The following HPSE2 variants were observed in gnomAD, a reference collection of about 807,000 sequenced individuals.
HPSE2 encodes the protein heparanase 2 (inactive), also known as inactive heparanase-2.
Under a neutral mutation model 60.5 loss-of-function variants are expected in HPSE2, and 38 were observed. The ratio of observed to expected loss-of-function variants is 0.63; its 90% CI spans 0.48 to 0.82. The LOEUF is 0.82. Ranked by LOEUF, HPSE2 falls within the 40% of genes least tolerant of loss-of-function variation. HPSE2 has a pLI of 0.00. For missense variants in HPSE2, 713 were observed against 740.4 expected (o/e 0.96, Z 0.43); for synonymous variants, 295 against 293.2 (o/e 1.01, Z -0.06).
At chr10:99,301,875 C>CT in the HPSE2 span, among the ~76,000 whole-genome samples, 2 of 151,764 alleles carry the variant, frequency 1.3e-5, no homozygotes, top group South Asian at 4.2e-4. Flanking sequence ...GGCCCTTCTG[C>CT]TTGACACCCC....
At chr10:99,238,620 G>A (rs1589857717), upstream of HPSE2, among the ~76,000 whole-genome samples, 1 of 152,232 alleles carries the variant, frequency 6.6e-6, no homozygotes, top group East Asian at 1.9e-4. Context: ...TGATTGTTTG[G>A]TGCTTTGGTT....
intron 4 of HPSE2, among the ~76,000 whole-genome samples, chr10:98,724,074 T>C (rs1949003319): frequency 6.6e-6 from 1 of 152,214 alleles, no homozygotes; most frequent in Non-Finnish European, 1.5e-5. Context: ...CAATTTTAGA[T>C]CTTTCCTGCT....
At chr10:98,983,469 T>G (rs1258099197) in intron 3 of HPSE2, among the ~76,000 whole-genome samples, 1 of 152,262 alleles carries the variant, frequency 6.6e-6, no homozygotes, top group Non-Finnish European at 1.5e-5. Flanking sequence ...ATATTCCACT[T>G]TGACTTTAAT....
intron 6 of HPSE2, among the ~76,000 whole-genome samples, chr10:98,651,141 T>C (rs1385769575): frequency 6.6e-6 from 1 of 152,220 alleles, no homozygotes; most frequent in Admixed American, 6.5e-5. Flanking sequence ...TGAAAGGAAA[T>C]CTTACCTCAC....
chr10:98,608,477 C>T lies in HPSE2; in HGVS notation c.1320+6427G>A, dbSNP rs1945657153. 2.0e-5 allele frequency among the ~76,000 whole-genome samples: 3 copies of T among 152,308 alleles called. No homozygotes were observed. In the South Asian group the frequency reaches 6.2e-4, roughly 32 times the overall value. ...AATCAGAGGAACGTCTACGTGAAAG[C>T]ATTAGGGGCAAAAGAACTGCCTTCC... On this transcript the variant is annotated intron_variant, in intron 9 of 11. Coordinates refer to ENST00000370552, the MANE Select transcript of HPSE2 (RefSeq NM_021828.5).
chr10:98,652,691 C>A (rs1036653356), intron 6 of HPSE2, among the ~76,000 whole-genome samples: 1 of 152,216 alleles, frequency 6.6e-6, no homozygotes, highest in South Asian at 2.1e-4. Context: ...CATGACTGGT[C>A]TTTGGAGACC....
intron 4 of HPSE2, among the ~76,000 whole-genome samples, chr10:98,728,787 T>G (rs1482021618): frequency 1.3e-5 from 2 of 151,950 alleles, no homozygotes; most frequent in Non-Finnish European, 2.9e-5. Flanking sequence ...GTGGGAGGAT[T>G]GCTTGAGCCT....
chr10:98,491,919 G>T (rs1008353016), intron 9 of HPSE2, among the ~76,000 whole-genome samples: 1 of 152,184 alleles, frequency 6.6e-6, no homozygotes, highest in African/African-American at 2.4e-5. Flanking sequence ...TATAGAGGTT[G>T]CCAAAATTTA....
chr10:99,149,561 A>G (rs1240445003), intron 2 of HPSE2, among the ~76,000 whole-genome samples: 1 of 152,222 alleles, frequency 6.6e-6, no homozygotes, highest in East Asian at 1.9e-4. Flanking sequence ...CAATAGCTTA[A>G]TTGTAATGAA....
At chr10:99,097,328 C>T (rs188634334) in intron 3 of HPSE2, among the ~76,000 whole-genome samples, 2 of 152,264 alleles carry the variant, frequency 1.3e-5, no homozygotes, top group Non-Finnish European at 2.9e-5. Context: ...TTTCCTAAGT[C>T]CCTACAAAGC....
At chr10:99,228,873 A>G (rs527785484) in intron 2 of HPSE2, among the ~76,000 whole-genome samples, 6 of 152,226 alleles carry the variant, frequency 3.9e-5, no homozygotes. Flanking sequence ...AAACAAGGGG[A>G]ACAACAAAAT....
At chr10:99,026,837 T>C (rs1490498806) in intron 3 of HPSE2, among the ~76,000 whole-genome samples, 1 of 152,022 alleles carries the variant, frequency 6.6e-6, no homozygotes, top group Non-Finnish European at 1.5e-5. Flanking sequence ...ACTGTATAAA[T>C]ACATGGAAAT....
intron 3 of HPSE2, among the ~76,000 whole-genome samples, chr10:98,968,729 G>C (rs1334949736): frequency 6.6e-6 from 1 of 152,136 alleles, no homozygotes; most frequent in African/African-American, 2.4e-5. Context: ...GTTGTTCTAA[G>C]TGAAGTAACT....
chr10:99,125,535 C>T (rs973707129), intron 3 of HPSE2, among the ~76,000 whole-genome samples: 2 of 152,268 alleles, frequency 1.3e-5, no homozygotes, highest in South Asian at 4.2e-4. Flanking sequence ...ACTTTTGCTC[C>T]AAGAACCACC....
At chr10:98,645,830 C>T (rs570217368) in intron 6 of HPSE2, among the ~76,000 whole-genome samples, 5 of 152,048 alleles carry the variant, frequency 3.3e-5, no homozygotes, top group Admixed American at 1.3e-4. Context: ...TACAATTAGC[C>T]GGGGCGTGGT....
intron 2 of HPSE2, among the ~76,000 whole-genome samples, chr10:99,220,551 T>G (rs1178063911): frequency 1.3e-5 from 2 of 152,108 alleles, no homozygotes; most frequent in Non-Finnish European, 2.9e-5. Flanking sequence ...ACGCCTGTAA[T>G]CCCAGCACTT....
chr10:98,763,707 T>A (rs1047035719), intron 3 of HPSE2, among the ~76,000 whole-genome samples: 5 of 151,074 alleles, frequency 3.3e-5, no homozygotes, highest in African/African-American at 1.2e-4. Context: ...ATCTTCAAAG[T>A]GCTGAAAAAG....
chr10:99,008,810 G>A (rs1432893483), intron 3 of HPSE2, among the ~76,000 whole-genome samples: 1 of 152,144 alleles, frequency 6.6e-6, no homozygotes, highest in Admixed American at 6.5e-5. Context: ...TGTATATAGG[G>A]ACTAAAATGG....
intron 3 of HPSE2, among the ~76,000 whole-genome samples, chr10:98,936,978 CAAAAAAAA>C (rs1214450704): frequency 1.3e-4 from 4 of 31,018 alleles, no homozygotes; most frequent in Non-Finnish European, 1.2e-4. Flanking sequence ...GACTCCATCT[CAAAAAAAA>C]AAAAAAAAAA....
Sources: allele counts gnomAD v4.1 joint callset (sites outside exome capture counted in the v4.1 genomes callset), GRCh38; gene constraint gnomAD v4.1.1; transcripts MANE v1.5; gene names NCBI Gene and HGNC (gene_info 2026-07-23, HGNC 2026-07-21).